Variants in CDX2 observed in about 807,000 individuals in gnomAD.
CDX2 encodes caudal type homeobox 2, also known as homeobox protein CDX-2.
Under a neutral mutation model 25.5 loss-of-function variants are expected in CDX2, and 7 were observed. The ratio of observed to expected loss-of-function variants is 0.27; its 90% CI spans 0.16 to 0.52. The LOEUF is 0.52. Among genes scored for constraint, CDX2 ranks in the 20% least tolerant of loss-of-function variants. The probability of loss-of-function intolerance (pLI) is 0.97; values close to 1 mark genes in which losing one functional copy is unlikely to be tolerated. For synonymous variants in CDX2, 222 were observed against 198.6 expected, an observed-to-expected ratio of 1.12 and a Z score of -0.99; for missense variants, 375 against 431.4, an observed-to-expected ratio of 0.87 and a Z score of 1.16.
rs1003768321 is a variant in CDX2, at chr13:27,961,324, C to T, written c.*1791G>A. On this transcript the variant is annotated 3_prime_UTR_variant, in exon 3 of 3. Transcript: ENST00000381020. ...TTCCCCAACTGCCCTTAAGGCGCCT[C>T]CGTGGGCGCGCTGATTAGGCTCTCG... 6.6e-6 allele frequency among the ~76,000 whole-genome samples: 1 copy of T among 152,238 alleles called. No homozygotes were observed. The highest frequency in any genetic ancestry group is 1.5e-5 in the Non-Finnish European group (1 of 68,048).
rs1254277380 is a variant in CDX2, at chr13:27,964,712, A to T, written c.687+158T>A. Reference sequence around the variant, plus strand: ...AAGCAAGACCCCATCTCTGTTTAAAAAAAAAAAAAAAAAAAAAAAGGACTC... The same window carrying T: ...AAGCAAGACCCCATCTCTGTTTAAATAAAAAAAAAAAAAAAAAAAGGACTC... On this transcript the variant is annotated intron_variant, in intron 2 of 2. Transcript: ENST00000381020. The surrounding 1 kb of genome is among the most constrained non-coding windows in gnomAD (Gnocchi z 4.7). Among the ~76,000 whole-genome samples the T allele has an allele frequency of 1.7e-4, 2 of 11,598 alleles. No homozygotes were observed. The highest frequency in any genetic ancestry group is 1.1e-3 in the Admixed American group (1 of 896). The allele number at this position is 11,598 out of a possible 152,430, so 7.6% of individuals were successfully genotyped here.
At chr13:27,967,244 C>G (rs1207968806) in intron 1 of CDX2, 1 of 500,240 alleles carries the variant, frequency 2.0e-6, no homozygotes, top group Non-Finnish European at 3.9e-6. Context: ...CAAGCCAAAG[C>G]TCTGAGGCTC....
At position 27,963,063 on chromosome 13, in the gene CDX2, C is replaced by A. The variant is rs527497162; in HGVS notation, c.*52G>T. 2 of 1,563,710 alleles carry A rather than the reference C, an allele frequency of 1.3e-6. No homozygotes were observed. The highest frequency in any genetic ancestry group is 1.8e-5 in the Admixed American group (1 of 55,674). On this transcript the variant is annotated 3_prime_UTR_variant, in exon 3 of 3. Transcript: ENST00000381020. The stretch of plus-strand genomic sequence containing the variant: ...CTCCTGAGGAGTCTAGCAGAGTCCA[C>A]GCTCCTCATGGCTCAGCCTGGAATT...
chr13:27,965,751 A>G (rs1350575307), intron 1 of CDX2, among the ~76,000 whole-genome samples: 1 of 152,230 alleles, frequency 6.6e-6, no homozygotes, highest in Non-Finnish European at 1.5e-5. Context: ...GAGTCAACAT[A>G]TTAAATCCCA....
At chr13:27,966,321 T>G (rs1869320572) in intron 1 of CDX2, among the ~76,000 whole-genome samples, 2 of 152,154 alleles carry the variant, frequency 1.3e-5, no homozygotes, top group South Asian at 4.1e-4. Context: ...GCGCCTGCTA[T>G]GAAAGTAAAG....
Position 27,964,584 on chromosome 13 carries a change from G to A in CDX2, c.687+286C>T, listed in dbSNP as rs1869217703. Among the ~76,000 whole-genome samples the A allele has an allele frequency of 6.6e-6, 1 of 151,994 alleles. No individual in the cohort carries two copies. Among genetic ancestry groups the A allele is most frequent in the South Asian group, 2.1e-4 (1 of 4,800 alleles). On this transcript the variant is annotated intron_variant, in intron 2 of 2. Transcript: ENST00000381020. The surrounding 1 kb of genome is among the most constrained non-coding windows in gnomAD (Gnocchi z 4.7). ...CCAGTCATGGTGGCTCGAGCCTGTA[G>A]TCCAAGCTACTCAGGTGACTGAGGC... is the stretch of plus-strand genomic sequence containing the variant.
Position 27,962,255 on chromosome 13 carries a change from A to G in CDX2, c.*860T>C, listed in dbSNP as rs1204194801. Reference sequence around the variant, plus strand: ...CCCCCATGGATCCAGAAGGCTTTAAAAACTCTGGCTTGGATGTTACACAGA... The same window carrying G: ...CCCCCATGGATCCAGAAGGCTTTAAGAACTCTGGCTTGGATGTTACACAGA... On this transcript the variant is annotated 3_prime_UTR_variant, in exon 3 of 3. Transcript: ENST00000381020. 1 of 228,532 alleles carries G rather than the reference A, an allele frequency of 4.4e-6. No individual in the cohort carries two copies. Among genetic ancestry groups the G allele is most frequent in the East Asian group, 6.2e-5 (1 of 16,162 alleles). The allele number at this position is 228,532 out of a possible 1,614,324, so 14.2% of individuals were successfully genotyped here. A position where few individuals can be genotyped will look rare whatever the true frequency, so the allele number is the denominator to read the frequency against.
intron 1 of CDX2, 85 bp downstream of exon 1, chr13:27,968,381 C>T: frequency 7.4e-7 from 1 of 1,358,564 alleles, no homozygotes; most frequent in South Asian, 1.8e-5. Flanking sequence ...CGCCCCTGTG[C>T]GCACTGGACG....
chr13:27,968,190 G>A (rs1239871138), intron 1 of CDX2, among the ~76,000 whole-genome samples: 2 of 152,240 alleles, frequency 1.3e-5, no homozygotes, highest in African/African-American at 4.8e-5. Context: ...GGAGCTTCCC[G>A]AAGGTGTCCC....
chr13:27,962,915 TA>T lies in CDX2; in HGVS notation c.*199del. ...GCAGAAAAAGCCAGATGGGAAAAAG[TA>T]AAAATCTGGGAGAGTATATTTCTTG... On this transcript the variant is annotated 3_prime_UTR_variant, in exon 3 of 3. Coordinates refer to ENST00000381020, the MANE Select transcript of CDX2 (RefSeq NM_001265.6). 1 of 596,764 alleles carries T rather than the reference TA, an allele frequency of 1.7e-6. No individual in the cohort carries two copies. Among genetic ancestry groups the T allele is most frequent in the Non-Finnish European group, 2.6e-6 (1 of 383,802 alleles). 37.0% of individuals were successfully genotyped at this position (596,764 alleles called of 1,614,324 possible).
Position 27,964,777 on chromosome 13 carries a change from A to T in CDX2, c.687+93T>A. On this transcript the variant is annotated intron_variant, in intron 2 of 2. Coordinates refer to ENST00000381020, the MANE Select transcript of CDX2 (RefSeq NM_001265.6). The surrounding 1 kb of genome is among the most constrained non-coding windows in gnomAD (Gnocchi z 4.7). Reference sequence around the variant, plus strand: ...TGCATCCTCCTGCTTCAGTCTCTCCACAGATTTAGATGGCCCCTGCAGCCA... The same window carrying T: ...TGCATCCTCCTGCTTCAGTCTCTCCTCAGATTTAGATGGCCCCTGCAGCCA... 8.3e-7 allele frequency: 1 copy of T among 1,202,776 alleles called. No individual in the cohort carries two copies. Among genetic ancestry groups the T allele is most frequent in the Non-Finnish European group, 1.2e-6 (1 of 834,680 alleles). 74.5% of individuals were successfully genotyped at this position (1,202,776 alleles called of 1,614,324 possible).
At position 27,961,660 on chromosome 13, in the gene CDX2, T is replaced by G. The variant is rs1869055174; in HGVS notation, c.*1455A>C. Among the ~76,000 whole-genome samples the G allele has an allele frequency of 6.7e-6, 1 of 149,874 alleles. No homozygotes were observed. Among genetic ancestry groups the G allele is most frequent in the South Asian group, 2.1e-4 (1 of 4,658 alleles). ...AGTGATTTACAGAAGACTAAATTCA[T>G]GGAAATGCTGTCTTGGGAAACTAGG... On this transcript the variant is annotated 3_prime_UTR_variant, in exon 3 of 3. Transcript: ENST00000381020.
At chr13:27,965,424 G>A (rs1480597874) in intron 1 of CDX2, among the ~76,000 whole-genome samples, 2 of 152,132 alleles carry the variant, frequency 1.3e-5, no homozygotes, top group African/African-American at 2.4e-5. Context: ...AGCCCACCCC[G>A]AAAACAGCTG....
chr13:27,961,087 C>A lies in CDX2; in HGVS notation c.*2028G>T, dbSNP rs920701765. Among the ~76,000 whole-genome samples, 3 of 151,900 alleles carry A rather than the reference C, an allele frequency of 2.0e-5. No homozygotes were observed. Among genetic ancestry groups the A allele is most frequent in the African/African-American group, 7.3e-5 (3 of 41,364 alleles). On this transcript the variant is annotated 3_prime_UTR_variant, in exon 3 of 3. Coordinates refer to ENST00000381020, the MANE Select transcript of CDX2 (RefSeq NM_001265.6). ...CCCTGACCCAGGACCCCTCGCCCAG[C>A]GGACCCGGACACGGCTTCCTCCTCT...
chr13:27,969,083 G>A lies in CDX2; in HGVS notation c.-77C>T. 5.9e-6 allele frequency: 7 copies of A among 1,190,526 alleles called. No individual in the cohort carries two copies. The South Asian group carries it at 6.9e-5, about 12-fold the overall frequency. 73.7% of individuals were successfully genotyped at this position (1,190,526 alleles called of 1,614,324 possible). A position where few individuals can be genotyped will look rare whatever the true frequency, so the allele number is the denominator to read the frequency against. On this transcript the variant is annotated 5_prime_UTR_variant, in exon 1 of 3. Coordinates refer to ENST00000381020, the MANE Select transcript of CDX2 (RefSeq NM_001265.6). ...TGGAGGCTGCCGGGGGGCACGAAGG[G>A]AAAGGGGCGAGGGGACTCGAGGAGC...
rs778248122 is a variant in CDX2, at chr13:27,965,024, G to A, written c.542-9C>T. On this transcript the variant is annotated splice_polypyrimidine_tract_variant and intron_variant, in intron 1 of 2. Coordinates refer to ENST00000381020, the MANE Select transcript of CDX2 (RefSeq NM_001265.6). The stretch of plus-strand genomic sequence containing the variant: ...TTTCGTCCTGGTTTTCACTGTGGAG[G>A]AAGGAGAAGTGAGGGCTGAGAACTG... 6.2e-7 allele frequency: 1 copy of A among 1,613,574 alleles called. No individual in the cohort carries two copies. The highest frequency in any genetic ancestry group is 8.5e-7 in the Non-Finnish European group (1 of 1,179,714).
In CDX2 at chr13:27,968,854, C is replaced by T; in HGVS notation, c.153G>A (p.Ala51=). ...ACTGCGCGCTGTCCAAGTTCGCTGC[C>T]GCTGCAGCTGCGGCCGCCACGTGGT... ...GGYHVAAAAA[A]AANLDSAQSP... The change falls in exon 1 of 3, where the codon GCG becomes GCA. Residue 51 remains alanine (A), a synonymous_variant. Transcript: ENST00000381020. The T allele has an allele frequency of 6.3e-7, 1 of 1,591,768 alleles. No homozygotes were observed. Among genetic ancestry groups the T allele is most frequent in the Admixed American group, 1.7e-5 (1 of 57,294 alleles).
At position 27,963,126 on chromosome 13, in the gene CDX2, C is replaced by T. The variant is rs376483726; in HGVS notation, c.931G>A (p.Val311Ile). 2.2e-5 allele frequency: 35 copies of T among 1,612,438 alleles called. No individual in the cohort carries two copies. The highest frequency in any genetic ancestry group is 1.7e-4 in the Middle Eastern group (1 of 6,044). Residue 311 changes from valine (V) to isoleucine (I), a missense_variant, in exon 3 of 3, where the codon GTC (valine) becomes ATC (isoleucine). Physicochemically the swap from Val to Ile is conservative, Grantham distance 29. Transcript: ENST00000381020. ...CAGAACCCGGTGGGTCACTGGGTGA[C>T]GGTGGGGTTTAGCACCCCCCCAGTT... ...GPTGGVLNPT[V>I]TQ is the part of the protein sequence containing the mutation.
intron 1 of CDX2, among the ~76,000 whole-genome samples, chr13:27,965,444 G>A (rs1193061616): frequency 6.6e-6 from 1 of 152,132 alleles, no homozygotes; most frequent in African/African-American, 2.4e-5. Flanking sequence ...GTCATTGTGG[G>A]CACATGTTGT....
Sources: gnomAD v4.1 joint callset for allele counts (sites outside exome capture counted in the v4.1 genomes callset) on GRCh38, gnomAD v4.1.1 for gene constraint, Gnocchi (gnomAD v3.1) non-coding constraint, MANE v1.5 for transcripts, NCBI Gene and HGNC (gene_info 2026-07-23, HGNC 2026-07-21) for gene names.